PTPRD: variants seen among roughly 807,000 people sequenced by gnomAD.
The protein encoded by PTPRD is receptor-type tyrosine-protein phosphatase delta.
In PTPRD, 34 loss-of-function variants were observed where a neutral mutation model predicts 214.5. The ratio of observed to expected loss-of-function variants is 0.16; its 90% CI spans 0.12 to 0.21. PTPRD has a LOEUF of 0.21. Among genes scored for constraint, PTPRD ranks in the 10% least tolerant of loss-of-function variants. The pLI, the probability that PTPRD is intolerant of heterozygous loss-of-function variation, is 1.00. For missense variants in PTPRD, 2,545 were observed against 2,398.7 expected (o/e 1.06, Z -1.27); for synonymous variants, 1,128 against 845.7 (o/e 1.33, Z -5.79).
rs1566621252 is a variant in PTPRD, at chr9:9,947,504, A to ATATATATAATATATATATTATATATATTT, written c.-471-8923_-471-8895dup. 2.6e-4 allele frequency among the ~76,000 whole-genome samples: 7 copies of ATATATATAATATATATATTATATATATTT among 27,246 alleles called. No homozygotes were observed. In the East Asian group the frequency reaches 0.041, roughly 160 times the overall value. The allele number at this position is 27,246 out of a possible 152,430, so 17.9% of individuals were successfully genotyped here. On this transcript the variant is annotated intron_variant, in intron 4 of 45. Transcript: ENST00000381196. ...ATTTTATATATATTATATATATTTTATATATATAATATATATATTATATAT... is the reference window on the plus strand; with the variant it reads ...ATTTTATATATATTATATATATTTTATATATATAATATATATATTATATATATTTTATATATAATATATATATTATATAT...
At chr9:9,990,335 T>C (rs1217451293) in intron 4 of PTPRD, among the ~76,000 whole-genome samples, 7 of 152,206 alleles carry the variant, frequency 4.6e-5, no homozygotes, top group African/African-American at 4.8e-5. Context: ...TGTAACTAAG[T>C]ACAATGTACG....
intron 35 of PTPRD, among the ~76,000 whole-genome samples, chr9:8,427,308 G>C (rs923395211): frequency 1.3e-5 from 2 of 152,146 alleles, no homozygotes; most frequent in African/African-American, 4.8e-5. Flanking sequence ...GATAGATCAG[G>C]TGGGGATGTC....
chr9:8,703,751 G>C (rs1045483941), intron 12 of PTPRD, among the ~76,000 whole-genome samples: 11 of 152,000 alleles, frequency 7.2e-5, no homozygotes, highest in African/African-American at 2.7e-4. Flanking sequence ...ATATGCTAGC[G>C]ACTTCCAAGA....
chr9:9,810,479 C>T (rs2046807732), intron 5 of PTPRD, among the ~76,000 whole-genome samples: 2 of 151,866 alleles, frequency 1.3e-5, no homozygotes, highest in African/African-American at 4.8e-5. Flanking sequence ...TCCTAGGGCC[C>T]TTAATAATTA....
At chr9:9,456,113 C>T (rs558405942) in intron 8 of PTPRD, among the ~76,000 whole-genome samples, 6 of 151,780 alleles carry the variant, frequency 4.0e-5, no homozygotes, top group East Asian at 3.9e-4. Context: ...AGGTAGAATA[C>T]GTTTATTTCC....
chr9:9,132,157 G>A lies in PTPRD; in HGVS notation c.-143+51147C>T, dbSNP rs187276198. ...CGAGTAGCTGGGGCTACAGGCGCCCGCCACCATACCTGGCTAATTTTTTGT... is the reference window on the plus strand; with the variant it reads ...CGAGTAGCTGGGGCTACAGGCGCCCACCACCATACCTGGCTAATTTTTTGT... On this transcript the variant is annotated intron_variant, in intron 10 of 45. Coordinates refer to ENST00000381196, the MANE Select transcript of PTPRD (RefSeq NM_002839.4). Among the ~76,000 whole-genome samples the A allele has an allele frequency of 1.9e-3, 291 of 152,182 alleles. 4 individuals are homozygous for A. In the East Asian group the frequency reaches 0.03, roughly 16 times the overall value.
chr9:9,613,880 T>A (rs899671391), intron 7 of PTPRD, among the ~76,000 whole-genome samples: 1 of 152,124 alleles, frequency 6.6e-6, no homozygotes, highest in African/African-American at 2.4e-5. Context: ...AACCTAGATT[T>A]AGAAACATGC....
chr9:8,737,500 T>C lies in PTPRD; in HGVS notation c.-103-3554A>G, dbSNP rs190374638. 3.9e-4 allele frequency among the ~76,000 whole-genome samples: 59 copies of C among 151,994 alleles called. No homozygotes were observed. In the East Asian group the frequency reaches 0.01, roughly 26 times the overall value. On this transcript the variant is annotated intron_variant, in intron 11 of 45. Coordinates refer to ENST00000381196, the MANE Select transcript of PTPRD (RefSeq NM_002839.4). ...ATTATAAGGAGTTTCCATTAATCTA[T>C]AGTAAGGCTTGCTAAGTACTCTGAA...
At chr9:10,611,286 A>G (rs1286244009) in intron 2 of PTPRD, among the ~76,000 whole-genome samples, 1 of 152,186 alleles carries the variant, frequency 6.6e-6, no homozygotes, top group African/African-American at 2.4e-5. Flanking sequence ...TCTAAGTTGC[A>G]ACTCCTACTG....
chr9:9,068,565 C>G (rs949610021), intron 10 of PTPRD, among the ~76,000 whole-genome samples: 1 of 152,048 alleles, frequency 6.6e-6, no homozygotes, highest in East Asian at 1.9e-4. Context: ...GCTAGGACAC[C>G]ACATTAAAGT....
intron 12 of PTPRD, among the ~76,000 whole-genome samples, chr9:8,642,830 C>T (rs2096606784): frequency 6.6e-6 from 1 of 152,166 alleles, no homozygotes; most frequent in Non-Finnish European, 1.5e-5. Context: ...TTCATTTTCA[C>T]TGGGACAAGG....
intron 33 of PTPRD, among the ~76,000 whole-genome samples, chr9:8,455,354 C>G (rs773021567): frequency 3.3e-5 from 5 of 152,162 alleles, no homozygotes; most frequent in African/African-American, 4.8e-5. Flanking sequence ...GTGAACACAA[C>G]TAGTTCATGC....
At chr9:10,016,562 G>T (rs964058397) in intron 4 of PTPRD, among the ~76,000 whole-genome samples, 1 of 152,072 alleles carries the variant, frequency 6.6e-6, no homozygotes, top group African/African-American at 2.4e-5. Context: ...AATTATTAAA[G>T]GAAAATTGCA....
At chr9:8,444,975 T>G (rs1039413390) in intron 34 of PTPRD, among the ~76,000 whole-genome samples, 1 of 152,204 alleles carries the variant, frequency 6.6e-6, no homozygotes, top group African/African-American at 2.4e-5. Flanking sequence ...GCATCTTTTA[T>G]AAGTGAATAT....
At chr9:9,440,602 T>C (rs1249455849) in intron 8 of PTPRD, among the ~76,000 whole-genome samples, 1 of 152,220 alleles carries the variant, frequency 6.6e-6, no homozygotes, top group African/African-American at 2.4e-5. Context: ...CAAGGAATGA[T>C]ACTGGATTCA....
chr9:9,493,297 C>T (rs766075155), intron 8 of PTPRD, among the ~76,000 whole-genome samples: 2 of 151,998 alleles, frequency 1.3e-5, no homozygotes, highest in Non-Finnish European at 2.9e-5. Flanking sequence ...TTTTAAAGCC[C>T]ATTGTGGAGA....
chr9:8,410,344 G>A (rs1345279950), intron 35 of PTPRD, among the ~76,000 whole-genome samples: 1 of 152,184 alleles, frequency 6.6e-6, no homozygotes, highest in African/African-American at 2.4e-5. Context: ...CAGGGTGTTA[G>A]CTTTCTGGCT....
intron 7 of PTPRD, among the ~76,000 whole-genome samples, chr9:9,653,546 C>T (rs1241232335): frequency 6.6e-6 from 1 of 152,042 alleles, no homozygotes; most frequent in South Asian, 2.1e-4. Flanking sequence ...AGTCAACAGC[C>T]TCCAGCTTCC....
At chr9:9,110,928 G>A (rs1264441351) in intron 10 of PTPRD, among the ~76,000 whole-genome samples, 2 of 152,142 alleles carry the variant, frequency 1.3e-5, no homozygotes, top group South Asian at 2.1e-4. Context: ...AGTTGTGACA[G>A]AGACTGTATG....
Sources: allele counts gnomAD v4.1 joint callset (sites outside exome capture counted in the v4.1 genomes callset), GRCh38; gene constraint gnomAD v4.1.1; transcripts MANE v1.5; gene names NCBI Gene and HGNC (gene_info 2026-07-23, HGNC 2026-07-21).